LGI1: variants seen among roughly 807,000 people sequenced by gnomAD.
LGI1 encodes the protein leucine-rich glioma-inactivated protein 1.
Under a neutral mutation model 57.7 loss-of-function variants are expected in LGI1, and 11 were observed. That is an observed-to-expected ratio of 0.19 (90% confidence interval 0.12 to 0.32). The LOEUF is 0.32. LGI1 is among the 10% of genes least tolerant of loss of function. The probability of loss-of-function intolerance (pLI) is 1.00; values close to 1 mark genes in which losing one functional copy is unlikely to be tolerated. For synonymous variants in LGI1, 222 were observed against 241.9 expected (o/e 0.92, Z 0.76); for missense variants, 422 against 661.9 (o/e 0.64, Z 3.98).
intron 4 of LGI1, chr10:93,780,326 C>G (rs549111122): frequency 6.6e-6 from 1 of 152,328 alleles, no homozygotes; most frequent in South Asian, 2.1e-4. Flanking sequence ...TTCCCTCTGC[C>G]GGCTCAGTAA....
intron 2 of LGI1, chr10:93,775,941 T>C (rs1023764573): frequency 6.6e-6 from 1 of 152,202 alleles, no homozygotes; most frequent in Non-Finnish European, 1.5e-5. Context: ...TAAGGAAGCC[T>C]TTGGGTGTTA....
At chr10:93,760,232 G>C (rs1554902285) in intron 2 of LGI1, among the ~76,000 whole-genome samples, 1 of 152,206 alleles carries the variant, frequency 6.6e-6, no homozygotes, top group Non-Finnish European at 1.5e-5. Context: ...TATTCCTAAG[G>C]GGTTTATCTG....
At chr10:93,795,252 C>T (rs1433002435) in intron 7 of LGI1, among the ~76,000 whole-genome samples, 8 of 152,086 alleles carry the variant, frequency 5.3e-5, no homozygotes, top group Non-Finnish European at 1.2e-4. Flanking sequence ...ACAAAAAATA[C>T]CTTGACTGCG....
chr10:93,796,852 A>T, intron 7 of LGI1, 116 bp from the exon 8 acceptor site: 1 of 847,852 alleles, frequency 1.2e-6, no homozygotes, highest in Non-Finnish European at 1.9e-6. Context: ...TAATCAACCA[A>T]GGAGATCTCT....
chr10:93,775,468 C>A (rs11187657), intron 2 of LGI1, among the ~76,000 whole-genome samples: 5,220 of 152,112 alleles, frequency 0.034, 316 homozygotes, highest in African/African-American at 0.12. Flanking sequence ...CTGGGGACAC[C>A]AAAACAAATA....
rs144905465 is a variant in LGI1, at chr10:93,797,195, T to C, written c.1066T>C (p.Phe356Leu). The C allele has an allele frequency of 1.1e-5, 18 of 1,614,098 alleles. No homozygotes were observed. The highest frequency in any genetic ancestry group is 1.6e-4 in the Middle Eastern group (1 of 6,084). ...TGTTGCTGACAGTTCAAAAGCTGGT[T>C]TTACTACCATTTACAAATGGAACGG... The part of the protein sequence containing the change: ...FVVADSSKAG[F>L]TTIYKWNGNG... The change falls in exon 8 of 8, where the codon TTT becomes CTT. Residue 356 changes from phenylalanine (F) to leucine (L), a missense_variant. Around this residue, in one of 3 missense-constraint regions of LGI1, gnomAD observed 301 missense variants for 461.7 expected, o/e 0.65. Coordinates refer to ENST00000371418, the MANE Select transcript of LGI1 (RefSeq NM_005097.4). This position sits in a 1 kb window ranked among gnomAD's most constrained non-coding sequence, Gnocchi z 6.5.
chr10:93,778,006 C>G (rs1023177089), intron 4 of LGI1, among the ~76,000 whole-genome samples: 5 of 152,074 alleles, frequency 3.3e-5, no homozygotes, highest in Non-Finnish European at 7.4e-5. Context: ...TAGCCACAGG[C>G]GATGTCTTCA....
At chr10:93,776,882 T>C (rs1425840937) in intron 2 of LGI1, 1 of 181,764 alleles carries the variant, frequency 5.5e-6, no homozygotes, top group African/African-American at 2.4e-5. Flanking sequence ...AGGTTGGCTG[T>C]TGTTCATGGA....
intron 2 of LGI1, among the ~76,000 whole-genome samples, chr10:93,759,876 C>A (rs1049309692): frequency 5.3e-5 from 8 of 152,188 alleles, no homozygotes; most frequent in Non-Finnish European, 1.2e-4. Flanking sequence ...CTCATAGAAC[C>A]TAAACATGTA....
intron 4 of LGI1, among the ~76,000 whole-genome samples, chr10:93,781,763 A>G (rs929019967): frequency 1.3e-5 from 2 of 152,248 alleles, no homozygotes; most frequent in African/African-American, 4.8e-5. Flanking sequence ...ATTGGCTTCT[A>G]GTAATACCTA....
intron 4 of LGI1, among the ~76,000 whole-genome samples, chr10:93,787,246 C>T (rs926308694): frequency 1.1e-4 from 16 of 152,160 alleles, no homozygotes; most frequent in African/African-American, 3.4e-4. Flanking sequence ...GGTAGCGGAG[C>T]ATCAGAGGGT....
At chr10:93,793,433 G>A in intron 7 of LGI1, 83 bp downstream of exon 7, 1 of 1,190,510 alleles carries the variant, frequency 8.4e-7, no homozygotes, top group South Asian at 1.2e-5. Context: ...TGGTATAGGG[G>A]AATGCTTTAG....
chr10:93,777,705 T>C (rs1013143267), intron 4 of LGI1, 88 bp downstream of exon 4: 2 of 1,027,966 alleles, frequency 1.9e-6, no homozygotes, highest in East Asian at 2.5e-5. Context: ...ACTTTATGAG[T>C]GTCCATAAAA....
At chr10:93,766,512 C>CTCTTTTTTTTTTT (rs1554903463) in intron 2 of LGI1, among the ~76,000 whole-genome samples, 1 of 84,590 alleles carries the variant, frequency 1.2e-5, no homozygotes, top group Non-Finnish European at 2.1e-5. Flanking sequence ...TTATAGATCT[C>CTCTTTTTTTTTTT]TTTTTTTTTT....
At chr10:93,794,032 T>A (rs2134022456) in intron 7 of LGI1, 1 of 145,708 alleles carries the variant, frequency 6.9e-6, no homozygotes, top group East Asian at 2.0e-4. Flanking sequence ...TTTTTTTTTT[T>A]TTTTGAGACA....
chr10:93,765,753 G>A (rs2059667123), intron 2 of LGI1: 2 of 152,240 alleles, frequency 1.3e-5, no homozygotes, highest in South Asian at 4.1e-4. Flanking sequence ...GGTAGATCAC[G>A]AGGTCAGGAG....
chr10:93,758,260 A>G lies in LGI1; in HGVS notation c.116A>G (p.Lys39Arg). Residue 39 changes from lysine (K) to arginine (R), a missense_variant, in exon 1 of 8, where the codon AAG (lysine) becomes AGG (arginine). By Grantham distance (26) the Lys-to-Arg change is conservative. Transcript: ENST00000371418. The surrounding 1 kb of genome is among the most constrained non-coding windows in gnomAD (Gnocchi z 4.7). ...CTGACTGAGGGGAAGAAACCAGCGAAGCCAAAATGCCCTGCCGTGTGTACT... is the reference window on the plus strand; with the variant it reads ...CTGACTGAGGGGAAGAAACCAGCGAGGCCAAAATGCCCTGCCGTGTGTACT... ...LLLTEGKKPA[K>R]PKCPAVCTCT... The G allele has an allele frequency of 1.9e-6, 3 of 1,614,216 alleles. No individual in the cohort carries two copies. The highest frequency in any genetic ancestry group is 2.5e-6 in the Non-Finnish European group (3 of 1,180,024).
intron 4 of LGI1, chr10:93,780,225 C>T (rs2059834360): frequency 6.5e-6 from 1 of 154,272 alleles, no homozygotes. Context: ...TTCTTTCCTT[C>T]CTTTCTTCCT....
At chr10:93,789,182 CA>C (rs5787081) in intron 4 of LGI1, 123,369 of 152,020 alleles carry the variant, frequency 0.81, 54,289 homozygotes, top group Non-Finnish European at 0.97. Flanking sequence ...CCTGTGATCA[CA>C]GGAAAAGAAC....
Sources: allele counts gnomAD v4.1 joint callset (sites outside exome capture counted in the v4.1 genomes callset), GRCh38; gene constraint gnomAD v4.1.1; regional missense constraint gnomAD v4.1.1; non-coding constraint Gnocchi (gnomAD v3.1); transcripts MANE v1.5; gene names NCBI Gene and HGNC (gene_info 2026-07-23, HGNC 2026-07-21).